Variants in ZBED6 observed in about 807,000 individuals in gnomAD.
The protein encoded by ZBED6 is zinc finger BED domain-containing protein 6.
A neutral mutation model predicts 58.4 loss-of-function variants in ZBED6; 40 were observed. The ratio of observed to expected loss-of-function variants is 0.68; its 90% CI spans 0.53 to 0.89. The LOEUF (loss-of-function observed/expected upper bound fraction) is 0.89. ZBED6 is among the 40% of genes least tolerant of loss of function. The pLI is 0.00. For missense variants in ZBED6, 1,057 were observed against 1,003.9 expected, an observed-to-expected ratio of 1.05 and a Z score of -0.71; for synonymous variants, 439 against 350.6, an observed-to-expected ratio of 1.25 and a Z score of -2.82.
At chr1:203,834,391 C>G (rs1683516039) in intron 9 of ZBED6, among the ~76,000 whole-genome samples, 1 of 151,982 alleles carries the variant, frequency 6.6e-6, no homozygotes, top group African/African-American at 2.4e-5. Flanking sequence ...CCTGCCCCAG[C>G]CTCTCAAGTA....
intron 1 of ZBED6, among the ~76,000 whole-genome samples, chr1:203,805,063 A>G (rs1245596707): frequency 2.0e-5 from 3 of 152,088 alleles, no homozygotes; most frequent in Non-Finnish European, 4.4e-5. Context: ...ATCAAATATC[A>G]AGAAATATTC....
intron 2 of ZBED6, among the ~76,000 whole-genome samples, chr1:203,817,888 G>A (rs1345092369): frequency 1.3e-5 from 2 of 151,960 alleles, no homozygotes; most frequent in Non-Finnish European, 2.9e-5. Context: ...AAGTAGCTGG[G>A]ATTTCTGGCG....
intron 3 of ZBED6, among the ~76,000 whole-genome samples, chr1:203,820,796 A>G (rs1678377659): frequency 6.6e-6 from 1 of 152,062 alleles, no homozygotes; most frequent in Non-Finnish European, 1.5e-5. Flanking sequence ...TTTGTTGCAT[A>G]TCATCCCGTG....
At chr1:203,796,735 C>T (rs1334845458) in exon 1 of ZBED6, 2 of 339,024 alleles carry the variant, frequency 5.9e-6, no homozygotes, top group Non-Finnish European at 5.3e-6. Context: ...AAAAGCTTCT[C>T]AAGTCTAAAA....
chr1:203,843,704 A>G (rs952492148), intron 11 of ZBED6, among the ~76,000 whole-genome samples: 1 of 152,232 alleles, frequency 6.6e-6, no homozygotes, highest in Non-Finnish European at 1.5e-5. Flanking sequence ...TGGGCTATAT[A>G]TAGTTTGCCT....
chr1:203,823,512 T>G lies in ZBED6; in HGVS notation c.*2874-4787T>G, dbSNP rs545217209. Among the ~76,000 whole-genome samples, 4 of 152,346 alleles carry G rather than the reference T, an allele frequency of 2.6e-5. No individual in the cohort carries two copies. In the South Asian group the frequency reaches 8.3e-4, roughly 32 times the overall value. On this transcript the variant is annotated intron_variant, in intron 3 of 16. Coordinates refer to ENST00000550078, the Ensembl canonical transcript of ZBED6. ...GATGTTCAGCATTAACCATATTGTTTGTACAAACAGTCTAGGCATACTGAG... is the reference window on the plus strand; with the variant it reads ...GATGTTCAGCATTAACCATATTGTTGGTACAAACAGTCTAGGCATACTGAG...
chr1:203,831,638 G>A, intron 7 of ZBED6, 23 bp from the exon 8 acceptor site: 2 of 1,593,854 alleles, frequency 1.3e-6, no homozygotes, highest in Non-Finnish European at 1.7e-6. Context: ...ATTATTTGCT[G>A]TTCTTTGACT....
At chr1:203,822,714 T>G (rs2102899644) in intron 3 of ZBED6, among the ~76,000 whole-genome samples, 1 of 152,282 alleles carries the variant, frequency 6.6e-6, no homozygotes, top group Admixed American at 6.5e-5. Flanking sequence ...GGGTACCCTT[T>G]CATGCACATG....
chr1:203,825,143 A>G (rs916039745), intron 3 of ZBED6, among the ~76,000 whole-genome samples: 8 of 151,880 alleles, frequency 5.3e-5, no homozygotes, highest in East Asian at 3.9e-4. Flanking sequence ...TTACAGTGCT[A>G]TTTGTCTTGC....
intron 2 of ZBED6, among the ~76,000 whole-genome samples, chr1:203,818,295 A>G (rs549621294): frequency 5.3e-5 from 8 of 151,202 alleles, no homozygotes; most frequent in Admixed American, 5.2e-4. Flanking sequence ...ACATTTTTAA[A>G]GAGGACCTAA....
chr1:203,818,002 C>T (rs1676939989), intron 2 of ZBED6, among the ~76,000 whole-genome samples: 1 of 152,062 alleles, frequency 6.6e-6, no homozygotes, highest in African/African-American at 2.4e-5. Flanking sequence ...CCGCCTCGGC[C>T]TCCCAAAGTG....
chr1:203,818,729 A>G, intron 3 of ZBED6, 40 bp downstream of exon 3: 1 of 1,612,956 alleles, frequency 6.2e-7, no homozygotes, highest in Non-Finnish European at 8.5e-7. Flanking sequence ...AGTAGTCTGG[A>G]GACCTGGTGG....
At chr1:203,806,219 T>C in intron 1 of ZBED6, 1 of 398,346 alleles carries the variant, frequency 2.5e-6, no homozygotes. Flanking sequence ...TCATTCAGGC[T>C]GGGCAGCGGA....
At chr1:203,816,285 TTAG>T (rs1373377555) in intron 1 of ZBED6, among the ~76,000 whole-genome samples, 2 of 152,142 alleles carry the variant, frequency 1.3e-5, no homozygotes, top group Admixed American at 6.5e-5. Flanking sequence ...GACTTTCAAA[TTAG>T]TAGGCAAAAA....
In ZBED6 at chr1:203,809,278, C is replaced by T. The variant is rs190695358; in HGVS notation, c.*2554+6262C>T. Among the ~76,000 whole-genome samples, 6 of 139,848 alleles carry T rather than the reference C, an allele frequency of 4.3e-5. No individual in the cohort carries two copies. In the East Asian group the frequency reaches 8.8e-4, roughly 21 times the overall value. The allele number at this position is 139,848 out of a possible 152,430, so 91.7% of individuals were successfully genotyped here. On this transcript the variant is annotated intron_variant, in intron 1 of 16. Coordinates refer to ENST00000550078, the Ensembl canonical transcript of ZBED6. ...GCAACCTCCGCCTCCAGGGTTCAAG[C>T]GATTCTTCTGCCTCAGCCTCCCGAG...
chr1:203,798,082 CCAA>C (rs1467956377), exon 1 of ZBED6: 13 of 1,535,972 alleles, frequency 8.5e-6, no homozygotes, highest in Non-Finnish European at 1.0e-5. Context: ...TGGACCAGGG[CCAA>C]CAAGTTTGGA....
In ZBED6 at chr1:203,798,435, A is replaced by G. The variant is rs542442615; in HGVS notation, c.913A>G (p.Thr305Ala). Reference sequence around the variant, plus strand: ...GCCAGGGTCCCACTTAGGGACTTCAACACTTCAACGACACCTGCAAGCCAC... The same window carrying G: ...GCCAGGGTCCCACTTAGGGACTTCAGCACTTCAACGACACCTGCAAGCCAC... Residue 305 changes from threonine (T) to alanine (A), a missense_variant, in exon 1 of 17, where the codon ACA (threonine) becomes GCA (alanine). Thr to Ala is a moderately conservative substitution (Grantham distance 58). Coordinates refer to ENST00000550078, the Ensembl canonical transcript of ZBED6. 18 of 1,535,706 alleles carry G rather than the reference A, an allele frequency of 1.2e-5. 1 individual carries two copies. The South Asian group carries it at 1.3e-4, about 11-fold the overall frequency.
chr1:203,806,092 A>G, intron 1 of ZBED6: 1 of 502,200 alleles, frequency 2.0e-6, no homozygotes. Flanking sequence ...CTGCGTAATC[A>G]TATTCTTTGT....
intron 1 of ZBED6, among the ~76,000 whole-genome samples, chr1:203,809,236 C>G (rs1314635639): frequency 8.1e-6 from 1 of 122,880 alleles, no homozygotes; most frequent in African/African-American, 3.1e-5. Flanking sequence ...AGTGCAGTGG[C>G]ATGATCTTGG....
Sources: allele counts gnomAD v4.1 joint callset (sites outside exome capture counted in the v4.1 genomes callset), GRCh38; gene constraint gnomAD v4.1.1; transcripts MANE v1.5; gene names NCBI Gene and HGNC (gene_info 2026-07-23, HGNC 2026-07-21).